TMEM184B: variants seen among roughly 807,000 people sequenced by gnomAD.
TMEM184B encodes transmembrane protein 184B, also known as putative MAPK-activating protein FM08.
A neutral mutation model predicts 41.8 loss-of-function variants in TMEM184B; 17 were observed. That is an observed-to-expected ratio of 0.41 (90% confidence interval 0.28 to 0.61). The LOEUF is 0.61. Among genes scored for constraint, TMEM184B ranks in the 20% least tolerant of loss-of-function variants. The pLI is 0.34. For missense variants in TMEM184B, 393 were observed against 557.8 expected, an observed-to-expected ratio of 0.70 and a Z score of 2.98; for synonymous variants, 240 against 229.5, an observed-to-expected ratio of 1.05 and a Z score of -0.41.
Position 38,226,916 on chromosome 22 carries a change from G to C in TMEM184B, c.526-46C>G. ...TTGAGTGTGGAGGAGGAGCACAGAA[G>C]GCATGAAGCAAGCCCTGCCTCTGGC... On this transcript the variant is annotated intron_variant, in intron 5 of 8. Transcript: ENST00000361906. The surrounding 1 kb of genome is among the most constrained non-coding windows in gnomAD (Gnocchi z 4.6). 6.5e-7 allele frequency: 1 copy of C among 1,544,200 alleles called. No homozygotes were observed. Among genetic ancestry groups the C allele is most frequent in the Non-Finnish European group, 8.8e-7 (1 of 1,139,412 alleles).
intron 5 of TMEM184B, 39 bp downstream of exon 5, chr22:38,230,630 C>G (rs2145595214): frequency 5.0e-6 from 8 of 1,587,358 alleles, no homozygotes; most frequent in East Asian, 4.5e-5. Flanking sequence ...AGACCCCGCC[C>G]TGCTCCTCCT....
At chr22:38,218,090 C>T (rs145625676), downstream of TMEM184B, among the ~76,000 whole-genome samples, 2 of 152,300 alleles carry the variant, frequency 1.3e-5, no homozygotes, top group East Asian at 3.9e-4. Flanking sequence ...ACATTGAGAT[C>T]TGATTTTCTA....
Position 38,230,724 on chromosome 22 carries a change from G to A in TMEM184B, c.470C>T (p.Thr157Ile). Residue 157 changes from threonine to isoleucine, a missense_variant, in exon 5 of 9, where the codon ACC becomes ATC. Thr to Ile is a moderately conservative substitution (Grantham distance 89, BLOSUM62 -1). Transcript: ENST00000361906. ...ATAAGTCTTTCCCCAGAGGCAGCAG[G>A]TGCCATACATACAGCTGGACCTGGA... is the stretch of plus-strand genomic sequence containing the variant. ...KPIESSCMYG[T>I]CCLWGKTYSI... The A allele has an allele frequency of 6.2e-7, 1 of 1,612,398 alleles. No homozygotes were observed. The highest frequency in any genetic ancestry group is 8.5e-7 in the Non-Finnish European group (1 of 1,179,374).
At chr22:38,241,883 C>CAAA (rs34060428) in intron 3 of TMEM184B, among the ~76,000 whole-genome samples, 445 of 32,502 alleles carry the variant, frequency 0.014, 28 homozygotes, top group African/African-American at 0.017. Flanking sequence ...GACTCCGTCT[C>CAAA]AAAAAAAAAA....
Position 38,226,881 on chromosome 22 carries a change from G to C in TMEM184B, c.526-11C>G. The C allele has an allele frequency of 1.3e-6, 2 of 1,577,206 alleles. No homozygotes were observed. The highest frequency in any genetic ancestry group is 1.7e-6 in the Non-Finnish European group (2 of 1,161,712). On this transcript the variant is annotated splice_polypyrimidine_tract_variant and intron_variant, in intron 5 of 8. Transcript: ENST00000361906. This position sits in a 1 kb window ranked among gnomAD's most constrained non-coding sequence, Gnocchi z 4.6. ...GAACTGCAGGGTGGCCTGTTGGGGGGAAAAGGAGGTTGAGTGTGGAGGAGG... is the reference window on the plus strand; with the variant it reads ...GAACTGCAGGGTGGCCTGTTGGGGGCAAAAGGAGGTTGAGTGTGGAGGAGG...
rs112548534 is a variant in TMEM184B, at chr22:38,226,902, G to C, written c.526-32C>G. On this transcript the variant is annotated intron_variant, in intron 5 of 8. Transcript: ENST00000361906. The surrounding 1 kb of genome is among the most constrained non-coding windows in gnomAD (Gnocchi z 4.6). Reference sequence around the variant, plus strand: ...GGGGGAAAAGGAGGTTGAGTGTGGAGGAGGAGCACAGAAGGCATGAAGCAA... The same window carrying C: ...GGGGGAAAAGGAGGTTGAGTGTGGACGAGGAGCACAGAAGGCATGAAGCAA... 4.7e-4 allele frequency: 731 copies of C among 1,541,178 alleles called. 3 individuals are homozygous for C. In the African/African-American group the frequency reaches 0.011, roughly 24 times the overall value.
intron 4 of TMEM184B, among the ~76,000 whole-genome samples, chr22:38,230,977 A>G (rs1008996218): frequency 6.6e-6 from 1 of 152,230 alleles, no homozygotes; most frequent in African/African-American, 2.4e-5. Flanking sequence ...CAACTTGGAG[A>G]GCTCTGAATG....
downstream of TMEM184B, among the ~76,000 whole-genome samples, chr22:38,218,776 C>T (rs967712308): frequency 1.3e-5 from 2 of 152,166 alleles, no homozygotes; most frequent in South Asian, 4.1e-4. Flanking sequence ...GGTGGGAATT[C>T]CCCCACCCAC....
intron 8 of TMEM184B, among the ~76,000 whole-genome samples, chr22:38,224,494 G>A (rs2091367416): frequency 6.6e-6 from 1 of 152,212 alleles, no homozygotes; most frequent in Non-Finnish European, 1.5e-5. Context: ...TTGGGAGTTA[G>A]AAGCCCGAGG....
At chr22:38,221,775 C>G in intron 8 of TMEM184B, 65 bp from the exon 9 acceptor site, 1 of 1,582,162 alleles carries the variant, frequency 6.3e-7, no homozygotes, top group Admixed American at 1.7e-5. Context: ...GGTGGCTCAG[C>G]CCCTGCCCGT....
At chr22:38,230,178 C>T (rs112832298) in intron 5 of TMEM184B, among the ~76,000 whole-genome samples, 3,364 of 144,062 alleles carry the variant, frequency 0.023, 83 homozygotes, top group African/African-American at 0.083. Flanking sequence ...GAAGCTAGAG[C>T]GGCTGGACTG....
intron 1 of TMEM184B, among the ~76,000 whole-genome samples, chr22:38,253,079 T>G (rs993711555): frequency 2.0e-5 from 3 of 152,040 alleles, no homozygotes; most frequent in African/African-American, 7.2e-5. Context: ...GAGGCAGAGC[T>G]TGCAGTGAGC....
At chr22:38,251,195 C>T (rs544459790) in intron 1 of TMEM184B, among the ~76,000 whole-genome samples, 11 of 152,336 alleles carry the variant, frequency 7.2e-5, no homozygotes, top group African/African-American at 2.6e-4. Flanking sequence ...CCCATGCTGG[C>T]CACGTTTCTG....
At chr22:38,254,946 G>C (rs1255182283) in intron 1 of TMEM184B, among the ~76,000 whole-genome samples, 2 of 151,412 alleles carry the variant, frequency 1.3e-5, no homozygotes, top group Non-Finnish European at 2.9e-5. Context: ...CTACCTCCCG[G>C]GTTCAAGCAA....
In TMEM184B at chr22:38,230,788, C is replaced by G; in HGVS notation, c.450-44G>C. ...GCAGGCAGTGGCAGTGAGTGAAGAG[C>G]CAGGACTTGGGAACAGTGGGGTGGG... is the stretch of plus-strand genomic sequence containing the variant. On this transcript the variant is annotated intron_variant, in intron 4 of 8. Coordinates refer to ENST00000361906, the MANE Select transcript of TMEM184B (RefSeq NM_012264.5). 1.9e-6 allele frequency: 3 copies of G among 1,583,252 alleles called. No individual in the cohort carries two copies. In the South Asian group the frequency reaches 3.4e-5, roughly 18 times the overall value.
At chr22:38,217,280 CG>C (rs1674869238), downstream of TMEM184B, among the ~76,000 whole-genome samples, 1 of 147,844 alleles carries the variant, frequency 6.8e-6, no homozygotes, top group African/African-American at 2.6e-5. Flanking sequence ...GTCAGGAGAT[CG>C]AGACCATCCT....
intron 3 of TMEM184B, among the ~76,000 whole-genome samples, chr22:38,236,426 G>A (rs2091774888): frequency 6.6e-6 from 1 of 152,140 alleles, no homozygotes; most frequent in African/African-American, 2.4e-5. Context: ...GGACTCCCAG[G>A]GGCAGATCCC....
chr22:38,245,502 C>T (rs184365547), intron 3 of TMEM184B, among the ~76,000 whole-genome samples: 30 of 147,838 alleles, frequency 2.0e-4, no homozygotes, highest in African/African-American at 6.6e-4. Flanking sequence ...CTTCCAGGTA[C>T]CTGTCTGAGA....
At chr22:38,218,707 C>T (rs1004801753), downstream of TMEM184B, among the ~76,000 whole-genome samples, 5 of 152,184 alleles carry the variant, frequency 3.3e-5, no homozygotes, top group Admixed American at 1.3e-4. Flanking sequence ...CTCAGGCCTG[C>T]GGGAAGGGCA....
Sources: gnomAD v4.1 joint callset for allele counts (sites outside exome capture counted in the v4.1 genomes callset) on GRCh38, gnomAD v4.1.1 for gene constraint, Gnocchi (gnomAD v3.1) non-coding constraint, MANE v1.5 for transcripts, NCBI Gene and HGNC (gene_info 2026-07-23, HGNC 2026-07-21) for gene names.